Variants in MGA observed in about 807,000 individuals in gnomAD.
MGA encodes the protein MAX dimerization protein MGA, also known as MAX gene-associated protein.
A neutral mutation model predicts 261.1 loss-of-function variants in MGA; 40 were observed. The ratio of observed to expected loss-of-function variants is 0.15; its 90% CI spans 0.12 to 0.20. MGA has a LOEUF of 0.20. Ranked by LOEUF, MGA falls within the 10% of genes least tolerant of loss-of-function variation. The probability of loss-of-function intolerance (pLI) is 1.00; values close to 1 mark genes in which losing one functional copy is unlikely to be tolerated. For synonymous variants in MGA, 1,302 were observed against 1,290.6 expected (o/e 1.01, Z -0.19); for missense variants, 3,397 against 3,630.5 (o/e 0.94, Z 1.65).
At chr15:41,688,114 C>A (rs1379154498) in intron 2 of MGA, among the ~76,000 whole-genome samples, 1 of 152,172 alleles carries the variant, frequency 6.6e-6, no homozygotes, top group Non-Finnish European at 1.5e-5. Context: ...CTCGCTCTGT[C>A]ACTGAGGCTG....
chr15:41,702,707 C>T (rs79757626), intron 5 of MGA, among the ~76,000 whole-genome samples: 2,003 of 152,140 alleles, frequency 0.013, 49 homozygotes, highest in African/African-American at 0.046. Flanking sequence ...TTTTTCTTTC[C>T]GTGGTACTAT....
intron 21 of MGA, 109 bp from the exon 22 acceptor site, chr15:41,762,020 C>A: frequency 9.3e-7 from 1 of 1,072,824 alleles, no homozygotes; most frequent in Non-Finnish European, 1.3e-6. Context: ...AATCACCTTA[C>A]TTTCCATAGT....
chr15:41,692,103 TG>T (rs367898664), intron 2 of MGA, among the ~76,000 whole-genome samples: 3 of 152,302 alleles, frequency 2.0e-5, no homozygotes, highest in African/African-American at 7.2e-5. Context: ...GACACTTTTT[TG>T]TTTTGTTTTG....
At chr15:41,650,257 T>C (rs1014189983) in intron 1 of MGA, among the ~76,000 whole-genome samples, 1 of 152,200 alleles carries the variant, frequency 6.6e-6, no homozygotes, top group Non-Finnish European at 1.5e-5. Flanking sequence ...AATGTTTGAC[T>C]TGAGGAATTA....
intron 1 of MGA, among the ~76,000 whole-genome samples, chr15:41,667,324 G>A (rs868648634): frequency 8.6e-5 from 13 of 151,770 alleles, no homozygotes; most frequent in African/African-American, 2.9e-4. Flanking sequence ...TTGGCTCGCT[G>A]CAACTCCACC....
At position 41,699,258 on chromosome 15, in the gene MGA, G is replaced by GT. The variant is rs545710454; in HGVS notation, c.2188+105dup. 386 of 763,186 alleles carry GT rather than the reference G, an allele frequency of 5.1e-4. 2 individuals are homozygous for GT. Among genetic ancestry groups the GT allele is most frequent in the South Asian group, 1.2e-3 (52 of 43,562 alleles). The allele number at this position is 763,186 out of a possible 1,614,324, so 47.3% of individuals were successfully genotyped here. On this transcript the variant is annotated intron_variant, in intron 5 of 23. Coordinates refer to ENST00000219905, the MANE Select transcript of MGA (RefSeq NM_001164273.2). ...CTCTCTTTCTCATCTCTTTTTTTCT[G>GT]TTTTTTCCTCTTTCTTTCTAGCCTT...
At chr15:41,744,280 T>G (rs1404693212) in intron 15 of MGA, among the ~76,000 whole-genome samples, 1 of 152,168 alleles carries the variant, frequency 6.6e-6, no homozygotes, top group Non-Finnish European at 1.5e-5. Flanking sequence ...CTCAGCTCAC[T>G]GCAACCTCTG....
chr15:41,725,129 A>G (rs535995882), intron 9 of MGA, among the ~76,000 whole-genome samples: 2 of 152,278 alleles, frequency 1.3e-5, no homozygotes, highest in African/African-American at 4.8e-5. Flanking sequence ...GCAGAAATAC[A>G]TTTACTTCAC....
Position 41,768,661 on chromosome 15 carries a change from T to C in MGA, c.*1381T>C, listed in dbSNP as rs2063912134. On this transcript the variant is annotated 3_prime_UTR_variant, in exon 24 of 24. Transcript: ENST00000219905. ...TCTGTCTTCATTGACAGGATTTGCTTGTGTTGTTAAAACACTAACACAAGA... is the reference window on the plus strand; with the variant it reads ...TCTGTCTTCATTGACAGGATTTGCTCGTGTTGTTAAAACACTAACACAAGA... 1 of 152,644 alleles carries C rather than the reference T, an allele frequency of 6.6e-6. No individual in the cohort carries two copies. The highest frequency in any genetic ancestry group is 1.5e-5 in the Non-Finnish European group (1 of 68,040). 9.5% of individuals were successfully genotyped at this position (152,644 alleles called of 1,614,324 possible).
chr15:41,658,939 T>C (rs953537762), upstream of MGA, among the ~76,000 whole-genome samples: 1 of 152,164 alleles, frequency 6.6e-6, no homozygotes, highest in African/African-American at 2.4e-5. Context: ...ATAAATTTAC[T>C]TCTTCCCCAG....
At chr15:41,698,388 A>G (rs929703259) in intron 3 of MGA, among the ~76,000 whole-genome samples, 2 of 151,498 alleles carry the variant, frequency 1.3e-5, no homozygotes, top group Non-Finnish European at 2.9e-5. Context: ...GATGGTCTCA[A>G]TCTCCTGACC....
In MGA at chr15:41,740,152, A is replaced by C. The variant is rs1386145886; in HGVS notation, c.4534A>C (p.Asn1512His). Residue 1512 changes from asparagine to histidine, a missense_variant, in exon 14 of 24, where the codon AAT (asparagine) becomes CAT (histidine). Asn to His is a moderately conservative substitution (Grantham distance 68). Around this residue, in one of 9 missense-constraint regions of MGA, gnomAD observed 1,410 missense variants for 1,386.4 expected, o/e 1.02. Transcript: ENST00000219905. Reference sequence around the variant, plus strand: ...GGCATCCTCCTCTGGCACTGCAACAAATCGCCCTGGGAAGAATCTGAAGGC... The same window carrying C: ...GGCATCCTCCTCTGGCACTGCAACACATCGCCCTGGGAAGAATCTGAAGGC... The C allele has an allele frequency of 6.2e-7, 1 of 1,614,030 alleles. No homozygotes were observed. The highest frequency in any genetic ancestry group is 1.1e-5 in the South Asian group (1 of 91,084).
rs367651928 is a variant in MGA at position 41,738,373 on chromosome 15, C to T, written c.4434+1675C>T. ...TCACGCCACTGCATTCCAGCCTGGG[C>T]GACAGAGTGAGACTCCATCTCAAAA... On this transcript the variant is annotated intron_variant, in intron 13 of 23. Coordinates refer to ENST00000219905, the MANE Select transcript of MGA (RefSeq NM_001164273.2). Among the ~76,000 whole-genome samples the T allele has an allele frequency of 4.7e-4, 71 of 152,120 alleles. No homozygotes were observed. The South Asian group carries it at 0.011, about 23-fold the overall frequency.
Position 41,762,229 on chromosome 15 carries a change from G to A in MGA, c.7611G>A (p.Glu2537=). 2.5e-6 allele frequency: 4 copies of A among 1,613,966 alleles called. No individual in the cohort carries two copies. Among genetic ancestry groups the A allele is most frequent in the Non-Finnish European group, 3.4e-6 (4 of 1,179,882 alleles). Reference sequence around the variant, plus strand: ...GAAAAAAGAAGATGGGATCAGATGAGTTTGACATATCTCCCAGAATTAGCA... The same window carrying A: ...GAAAAAAGAAGATGGGATCAGATGAATTTGACATATCTCCCAGAATTAGCA... The change falls in exon 22 of 24, where the codon GAG becomes GAA. Residue 2537 remains glutamate, a synonymous_variant. Transcript: ENST00000219905.
chr15:41,755,839 C>T lies in MGA; in HGVS notation c.7139+1272C>T, dbSNP rs368273947. Among the ~76,000 whole-genome samples, 49 of 152,170 alleles carry T rather than the reference C, an allele frequency of 3.2e-4. 1 individual carries two copies. The highest frequency in any genetic ancestry group is 2.3e-3 in the South Asian group (11 of 4,822). ...TTCAAGACCAGGCGGGCCAACATGG[C>T]GAAACCCTGTCTCTACTAAAAATAT... On this transcript the variant is annotated intron_variant, in intron 18 of 23. Coordinates refer to ENST00000219905, the MANE Select transcript of MGA (RefSeq NM_001164273.2).
chr15:41,714,774 G>A (rs983753412), intron 9 of MGA, among the ~76,000 whole-genome samples: 3 of 152,076 alleles, frequency 2.0e-5, no homozygotes, highest in Non-Finnish European at 4.4e-5. Flanking sequence ...ATTATAATAG[G>A]CATGAGCCAC....
At chr15:41,745,079 A>T (rs2062366769) in intron 15 of MGA, among the ~76,000 whole-genome samples, 1 of 151,980 alleles carries the variant, frequency 6.6e-6, no homozygotes, top group African/African-American at 2.4e-5. Context: ...GGGTTTCATC[A>T]TGTTGACCAG....
At chr15:41,667,048 C>T (rs1482903413) in intron 1 of MGA, among the ~76,000 whole-genome samples, 1 of 152,146 alleles carries the variant, frequency 6.6e-6, no homozygotes, top group Non-Finnish European at 1.5e-5. Context: ...CTAACCCTTT[C>T]CAGCACTACC....
chr15:41,763,479 C>G (rs1161275015), intron 22 of MGA, among the ~76,000 whole-genome samples: 6 of 152,048 alleles, frequency 3.9e-5, no homozygotes, highest in Admixed American at 2.0e-4. Context: ...TGCGGTGGCT[C>G]ACGCCTGTAA....
Sources: allele counts gnomAD v4.1 joint callset (sites outside exome capture counted in the v4.1 genomes callset), GRCh38; gene constraint gnomAD v4.1.1; regional missense constraint gnomAD v4.1.1; transcripts MANE v1.5; gene names NCBI Gene and HGNC (gene_info 2026-07-23, HGNC 2026-07-21).